ZNF470: variants seen among roughly 807,000 people sequenced by gnomAD.
ZNF470 encodes the protein chondrogenesis zinc finger protein 1.
Under a neutral mutation model 13.9 loss-of-function variants are expected in ZNF470, and 13 were observed. The ratio of observed to expected loss-of-function variants is 0.94; its 90% CI spans 0.61 to 1.49. ZNF470 has a LOEUF of 1.49. ZNF470 is among the 40% of genes most tolerant of loss of function. The pLI, the probability that ZNF470 is intolerant of heterozygous loss-of-function variation, is 0.00. For synonymous variants in ZNF470, 293 were observed against 282.9 expected (o/e 1.04, Z -0.36); for missense variants, 929 against 857.3 (o/e 1.08, Z -1.04).
Position 56,578,501 on chromosome 19 carries a change from A to T in ZNF470, c.2072A>T (p.His691Leu). Residue 691 changes from histidine (H) to leucine (L), a missense_variant, in exon 6 of 6, where the codon CAT (histidine) becomes CTT (leucine). Coordinates refer to ENST00000330619, the MANE Select transcript of ZNF470 (RefSeq NM_001001668.4). ...GGAAAAGCCTTCAGGCAGAGTGTAC[A>T]TCTTGCTCATCATCAGCGAATTCAT... ...ECGKAFRQSV[H>L]LAHHQRIHTG... 6.2e-7 allele frequency: 1 copy of T among 1,606,994 alleles called. No individual in the cohort carries two copies. The highest frequency in any genetic ancestry group is 8.5e-7 in the Non-Finnish European group (1 of 1,176,836).
At chr19:56,573,005 A>G (rs2044466041) in intron 3 of ZNF470, among the ~76,000 whole-genome samples, 1 of 152,240 alleles carries the variant, frequency 6.6e-6, no homozygotes, top group Non-Finnish European at 1.5e-5. Context: ...TGAGTTTATA[A>G]AAATATCTTC....
In ZNF470 at chr19:56,582,678, A is replaced by G; in HGVS notation, c.*4095A>G. 5.3e-6 allele frequency: 3 copies of G among 569,988 alleles called. No homozygotes were observed. The highest frequency in any genetic ancestry group is 2.0e-5 in the African/African-American group (1 of 49,100). The allele number at this position is 569,988 out of a possible 1,614,324, so 35.3% of individuals were successfully genotyped here. A position where few individuals can be genotyped will look rare whatever the true frequency, so the allele number is the denominator to read the frequency against. On this transcript the variant is annotated 3_prime_UTR_variant, in exon 6 of 6. Coordinates refer to ENST00000330619, the MANE Select transcript of ZNF470 (RefSeq NM_001001668.4). ...AGTTAGGCCATAAGAGTGAGGCCCTAATCCCATAGGACTAGTGTCCTTATA... is the reference window on the plus strand; with the variant it reads ...AGTTAGGCCATAAGAGTGAGGCCCTGATCCCATAGGACTAGTGTCCTTATA...
Position 56,578,642 on chromosome 19 carries a change from A to T in ZNF470, c.*59A>T, listed in dbSNP as rs1424628402. On this transcript the variant is annotated 3_prime_UTR_variant, in exon 6 of 6. Transcript: ENST00000330619. ...GCTTTTTTCCAGCACATGTCCCATCATCATAGTCCAAGACGCAACCATCTC... is the reference window on the plus strand; with the variant it reads ...GCTTTTTTCCAGCACATGTCCCATCTTCATAGTCCAAGACGCAACCATCTC... 2.1e-6 allele frequency: 3 copies of T among 1,414,718 alleles called. No homozygotes were observed. In the African/African-American group the frequency reaches 4.3e-5, roughly 20 times the overall value. 87.6% of individuals were successfully genotyped at this position (1,414,718 alleles called of 1,614,324 possible).
chr19:56,579,936 C>G lies in ZNF470; in HGVS notation c.*1353C>G, dbSNP rs1030246870. 4 of 289,540 alleles carry G rather than the reference C, an allele frequency of 1.4e-5. No homozygotes were observed. The highest frequency in any genetic ancestry group is 2.1e-5 in the Non-Finnish European group (4 of 194,606). The allele number at this position is 289,540 out of a possible 1,614,324, so 17.9% of individuals were successfully genotyped here. ...TTACATTAGGAATGTAGTACTAATA[C>G]TAATTGAACATTTGCTAATGTTTCA... On this transcript the variant is annotated 3_prime_UTR_variant, in exon 6 of 6. Transcript: ENST00000330619.
intron 5 of ZNF470, among the ~76,000 whole-genome samples, chr19:56,576,418 C>A (rs758168172): frequency 1.3e-5 from 2 of 152,060 alleles, no homozygotes; most frequent in East Asian, 3.9e-4. Flanking sequence ...ACAGCATATC[C>A]GATGATACCA....
In ZNF470 at chr19:56,577,705, AAATGT is replaced by A. The variant is rs773890131; in HGVS notation, c.1282_1286del (p.Asn428ValfsTer6). ...AACTCATACTGGAGAGAGACCTTAC[AAATGT>A]AATGTGTGTGGGAAGGCTTTTAGCC... On this transcript the variant is annotated frameshift_variant, in exon 6 of 6. Transcript: ENST00000330619. LOFTEE classifies it low-confidence loss of function (END_TRUNC). 69 of 1,610,572 alleles carry A rather than the reference AAATGT, an allele frequency of 4.3e-5. No individual in the cohort carries two copies. Among genetic ancestry groups the A allele is most frequent in the Non-Finnish European group, 3.5e-5 (41 of 1,177,574 alleles).
intron 3 of ZNF470, chr19:56,574,048 G>A: frequency 1.4e-6 from 1 of 718,418 alleles, no homozygotes; most frequent in Non-Finnish European, 1.7e-6. Context: ...TCCATGTAGA[G>A]AAGTGATTTA....
intron 3 of ZNF470, chr19:56,573,822 T>C (rs1206840848): frequency 6.0e-6 from 2 of 332,774 alleles, no homozygotes; most frequent in African/African-American, 2.2e-5. Flanking sequence ...AAACAACTTT[T>C]CAAATGTGTT....
At position 56,579,685 on chromosome 19, in the gene ZNF470, A is replaced by G; in HGVS notation, c.*1102A>G. 1 of 985,378 alleles carries G rather than the reference A, an allele frequency of 1.0e-6. No homozygotes were observed. Among genetic ancestry groups the G allele is most frequent in the Non-Finnish European group, 1.2e-6 (1 of 829,862 alleles). The allele number at this position is 985,378 out of a possible 1,614,324, so 61.0% of individuals were successfully genotyped here. ...ACAAGACATGCCAAAACATAAAAAT[A>G]TGTACACTGCAATTAGTTTCTGAAT... is the stretch of plus-strand genomic sequence containing the variant. On this transcript the variant is annotated 3_prime_UTR_variant, in exon 6 of 6. Transcript: ENST00000330619.
chr19:56,577,783 C>T lies in ZNF470; in HGVS notation c.1354C>T (p.Pro452Ser). The T allele has an allele frequency of 1.2e-6, 2 of 1,613,796 alleles. No individual in the cohort carries two copies. Among genetic ancestry groups the T allele is most frequent in the Non-Finnish European group, 1.7e-6 (2 of 1,179,962 alleles). ...VHQRIHTGEK[P>S]YECNICEKAF... ...TCAGAGAATTCATACAGGAGAGAAA[C>T]CTTATGAATGCAATATCTGTGAGAA... is the stretch of plus-strand genomic sequence containing the variant. Residue 452 changes from proline (P) to serine (S), a missense_variant, in exon 6 of 6, where the codon CCT (proline) becomes TCT (serine). Transcript: ENST00000330619.
At chr19:56,571,775 ATTTTTT>A (rs35836571) in intron 3 of ZNF470, among the ~76,000 whole-genome samples, 8 of 131,992 alleles carry the variant, frequency 6.1e-5, no homozygotes, top group African/African-American at 2.2e-4. Context: ...CACCTGGCTA[ATTTTTT>A]TTTTTTTTTT....
intron 3 of ZNF470, among the ~76,000 whole-genome samples, chr19:56,570,759 G>A (rs1660302487): frequency 6.6e-6 from 1 of 152,156 alleles, no homozygotes; most frequent in African/African-American, 2.4e-5. Context: ...AAATGAAAAG[G>A]CAGCAAACAC....
Position 56,581,190 on chromosome 19 carries a change from GA to G in ZNF470, c.*2612del. 1.4e-6 allele frequency: 1 copy of G among 697,906 alleles called. No homozygotes were observed. Among genetic ancestry groups the G allele is most frequent in the Non-Finnish European group, 1.8e-6 (1 of 567,970 alleles). The allele number at this position is 697,906 out of a possible 1,614,324, so 43.2% of individuals were successfully genotyped here. A position where few individuals can be genotyped will look rare whatever the true frequency, so the allele number is the denominator to read the frequency against. ...CAAACCAATAATAATCTGCAACTTA[GA>G]AAAATGGACTAATGTCCCATTCACA... On this transcript the variant is annotated 3_prime_UTR_variant, in exon 6 of 6. Coordinates refer to ENST00000330619, the MANE Select transcript of ZNF470 (RefSeq NM_001001668.4).
intron 3 of ZNF470, chr19:56,574,054 A>G (rs1393270287): frequency 1.6e-6 from 1 of 637,072 alleles, no homozygotes; most frequent in Non-Finnish European, 2.0e-6. Context: ...TAGAGAAGTG[A>G]TTTAGCTCCT....
intron 5 of ZNF470, 105 bp from the exon 6 acceptor site, chr19:56,576,608 C>G (rs1406442324): frequency 1.1e-6 from 1 of 925,294 alleles, no homozygotes. Flanking sequence ...ACATGTACCT[C>G]TGCTTGTGGG....
chr19:56,571,966 C>T (rs1362346246), intron 3 of ZNF470, among the ~76,000 whole-genome samples: 1 of 151,728 alleles, frequency 6.6e-6, no homozygotes, highest in African/African-American at 2.4e-5. Flanking sequence ...CAGAGCATGA[C>T]ACCTTTTCTT....
In ZNF470 at chr19:56,567,789, G is replaced by A. The variant is rs1373247882; in HGVS notation, c.-408G>A. 1.0e-6 allele frequency: 1 copy of A among 987,426 alleles called. No homozygotes were observed. The highest frequency in any genetic ancestry group is 1.2e-6 in the Non-Finnish European group (1 of 831,596). The allele number at this position is 987,426 out of a possible 1,614,324, so 61.2% of individuals were successfully genotyped here. On this transcript the variant is annotated 5_prime_UTR_variant, in exon 1 of 6. An upstream open reading frame in the 5' UTR gains an earlier in-frame stop. Transcript: ENST00000330619. ...GGCGTGCGGAAGGCGGTGTGTGTTG[G>A]AATGAGTGAAGCACTTTAAGTGGCC...
At position 56,582,818 on chromosome 19, in the gene ZNF470, C is replaced by A; in HGVS notation, c.*4235C>A. The A allele has an allele frequency of 6.5e-6, 1 of 153,706 alleles. No homozygotes were observed. The highest frequency in any genetic ancestry group is 1.5e-5 in the Non-Finnish European group (1 of 68,842). 9.5% of individuals were successfully genotyped at this position (153,706 alleles called of 1,614,324 possible). On this transcript the variant is annotated 3_prime_UTR_variant, in exon 6 of 6. Coordinates refer to ENST00000330619, the MANE Select transcript of ZNF470 (RefSeq NM_001001668.4). ...CCAGGAGGAGAGACCTCACCAGGAACCAGCCCTGCCAGCACCTTGATCTTG... is the reference window on the plus strand; with the variant it reads ...CCAGGAGGAGAGACCTCACCAGGAAACAGCCCTGCCAGCACCTTGATCTTG...
intron 5 of ZNF470, 83 bp from the exon 6 acceptor site, chr19:56,576,628 CTA>C: frequency 1.7e-6 from 2 of 1,145,984 alleles, no homozygotes; most frequent in South Asian, 2.8e-5. Flanking sequence ...GTTTCAATAA[CTA>C]TGTGATTCAC....
Sources: gnomAD v4.1 joint callset for allele counts (sites outside exome capture counted in the v4.1 genomes callset) on GRCh38, gnomAD v4.1.1 for gene constraint, MANE v1.5 for transcripts, NCBI Gene and HGNC (gene_info 2026-07-23, HGNC 2026-07-21) for gene names.